Variants in APOL6 observed in about 807,000 individuals in gnomAD.
APOL6 encodes the protein apolipoprotein L6.
APOL6 carries 1 observed loss-of-function variant against 2.4 expected under a neutral mutation model. The ratio of observed to expected loss-of-function variants is 0.41; its 90% CI spans 0.15 to 1.94. APOL6 has a LOEUF of 1.94. Ranked by LOEUF, APOL6 falls within the 30% of genes most tolerant of loss-of-function variation. The pLI, the probability that APOL6 is intolerant of heterozygous loss-of-function variation, is 0.30. For missense variants in APOL6, 438 were observed against 429.2 expected, an observed-to-expected ratio of 1.02 and a Z score of -0.18; for synonymous variants, 189 against 169.3, an observed-to-expected ratio of 1.12 and a Z score of -0.90.
intron 1 of APOL6, among the ~76,000 whole-genome samples, chr22:35,650,702 G>T (rs1262582243): frequency 6.6e-6 from 1 of 152,122 alleles, no homozygotes; most frequent in Non-Finnish European, 1.5e-5. Context: ...GCCCGAGGTG[G>T]GTGGATCACC....
rs1925031821 is a variant in APOL6, at chr22:35,661,672, A to G, written c.*2076A>G. The G allele has an allele frequency of 6.6e-6, 1 of 152,204 alleles. No homozygotes were observed. The highest frequency in any genetic ancestry group is 2.4e-5 in the African/African-American group (1 of 41,456). The allele number at this position is 152,204 out of a possible 1,614,324, so 9.4% of individuals were successfully genotyped here. On this transcript the variant is annotated 3_prime_UTR_variant, in exon 3 of 3. Transcript: ENST00000409652. ...GGAAAGTAAAAATATGGCATAAAAG[A>G]TAAGAATTGGCTCTCCTGTACAGGG...
intron 1 of APOL6, 43 bp from the exon 2 acceptor site, chr22:35,656,336 C>A: frequency 6.8e-7 from 1 of 1,461,010 alleles, no homozygotes; most frequent in South Asian, 1.1e-5. Context: ...CATAAGGTTT[C>A]ATCATATGTG....
intron 1 of APOL6, among the ~76,000 whole-genome samples, chr22:35,650,789 G>C (rs962635011): frequency 6.6e-6 from 1 of 152,048 alleles, no homozygotes; most frequent in Admixed American, 6.5e-5. Flanking sequence ...AATTAGCCGG[G>C]TGTGTTAGTA....
chr22:35,659,338 C>T lies in APOL6; in HGVS notation c.774C>T (p.His258=), dbSNP rs896945730. The T allele has an allele frequency of 1.2e-6, 2 of 1,613,940 alleles. No individual in the cohort carries two copies. ...CCACTCTCTCAAAGGAATGGAAGCACCTGAAGGAAGGAGCAAGGACAAAGT... is the reference window on the plus strand; with the variant it reads ...CCACTCTCTCAAAGGAATGGAAGCATCTGAAGGAAGGAGCAAGGACAAAGT... ...DLATLSKEWK[H]LKEGARTKFA... The change falls in exon 3 of 3, where the codon CAC becomes CAT. Residue 258 remains histidine (H), a synonymous_variant. Coordinates refer to ENST00000409652, the MANE Select transcript of APOL6 (RefSeq NM_030641.4).
rs775329910 is a variant in APOL6, at chr22:35,658,744, C to G, written c.180C>G (p.Leu60=). 28 of 1,614,068 alleles carry G rather than the reference C, an allele frequency of 1.7e-5. No homozygotes were observed. In the South Asian group the frequency reaches 2.9e-4, roughly 16 times the overall value. The change falls in exon 3 of 3, where the codon CTC becomes CTG. Residue 60 remains leucine (L), a synonymous_variant. Coordinates refer to ENST00000409652, the MANE Select transcript of APOL6 (RefSeq NM_030641.4). ...ATCTGAAAGGGAACATTGACAAGCTCCGTGCCCTCGCAGACGATATTGACA... is the reference window on the plus strand; with the variant it reads ...ATCTGAAAGGGAACATTGACAAGCTGCGTGCCCTCGCAGACGATATTGACA... ...KEDLKGNIDK[L]RALADDIDKT... is the part of the protein sequence containing the mutation.
intron 2 of APOL6, among the ~76,000 whole-genome samples, chr22:35,656,822 G>A (rs1435869509): frequency 2.6e-5 from 4 of 151,868 alleles, no homozygotes; most frequent in South Asian, 2.1e-4. Context: ...AAGGAAGGAA[G>A]CCATTTGGTG....
chr22:35,654,303 G>A (rs1285504096), intron 1 of APOL6, among the ~76,000 whole-genome samples: 2 of 152,080 alleles, frequency 1.3e-5, no homozygotes, highest in Non-Finnish European at 2.9e-5. Flanking sequence ...AAGGGGTAGG[G>A]CTGAATATTC....
At position 35,659,227 on chromosome 22, in the gene APOL6, C is replaced by T. The variant is rs1924943900; in HGVS notation, c.663C>T (p.Ala221=). Residue 221 remains alanine, a synonymous_variant, in exon 3 of 3, where the codon GCC becomes GCT. Coordinates refer to ENST00000409652, the MANE Select transcript of APOL6 (RefSeq NM_030641.4). ...SSRSRVQVQK[A]FAGTTLAMTK... is the part of the protein sequence containing the mutation. ...GGAGCCGCGTGCAGGTGCAAAAGGC[C>T]TTTGCGGGAACAACACTGGCGATGA... 1.9e-6 allele frequency: 3 copies of T among 1,614,084 alleles called. No homozygotes were observed. In the South Asian group the frequency reaches 3.3e-5, roughly 18 times the overall value.
rs1323139038 is a variant in APOL6 at position 35,648,488 on chromosome 22, C to G, written c.-183C>G. The G allele has an allele frequency of 6.6e-6, 1 of 152,500 alleles. No homozygotes were observed. The highest frequency in any genetic ancestry group is 1.5e-5 in the Non-Finnish European group (1 of 68,252). The allele number at this position is 152,500 out of a possible 1,614,324, so 9.4% of individuals were successfully genotyped here. A position where few individuals can be genotyped will look rare whatever the true frequency, so the allele number is the denominator to read the frequency against. ...CTGTTCAAAGGCCACCCTACTCTTC[C>G]TATCCGTCTTTCTCCAGCCCAGACA... On this transcript the variant is annotated 5_prime_UTR_variant, in exon 1 of 3. Transcript: ENST00000409652.
chr22:35,664,630 CAATT>C lies in APOL6; in HGVS notation c.*5038_*5041del, dbSNP rs944187071. The C allele has an allele frequency of 5.3e-5, 8 of 152,102 alleles. No individual in the cohort carries two copies. The highest frequency in any genetic ancestry group is 1.9e-4 in the East Asian group (1 of 5,188). The allele number at this position is 152,102 out of a possible 1,614,324, so 9.4% of individuals were successfully genotyped here. A position where few individuals can be genotyped will look rare whatever the true frequency, so the allele number is the denominator to read the frequency against. ...AGTTTTTATAAATAATCTAGGTAAA[CAATT>C]AATAAAATAACTAGGTAAATGTAAT... On this transcript the variant is annotated 3_prime_UTR_variant, in exon 3 of 3. Coordinates refer to ENST00000409652, the MANE Select transcript of APOL6 (RefSeq NM_030641.4).
At position 35,659,785 on chromosome 22, in the gene APOL6, T is replaced by C; in HGVS notation, c.*189T>C. On this transcript the variant is annotated 3_prime_UTR_variant, in exon 3 of 3. Coordinates refer to ENST00000409652, the MANE Select transcript of APOL6 (RefSeq NM_030641.4). ...TTTGTTTGTTTGTTTGTTTGTTTGT[T>C]TTGAGACAGGGTCTCTGTTGCCCAG... is the stretch of plus-strand genomic sequence containing the variant. 1 of 1,020,110 alleles carries C rather than the reference T, an allele frequency of 9.8e-7. No individual in the cohort carries two copies. The allele number at this position is 1,020,110 out of a possible 1,614,324, so 63.2% of individuals were successfully genotyped here. A position where few individuals can be genotyped will look rare whatever the true frequency, so the allele number is the denominator to read the frequency against.
At chr22:35,656,645 A>G (rs1314393157) in intron 2 of APOL6, among the ~76,000 whole-genome samples, 170 bp downstream of exon 2, 2 of 152,132 alleles carry the variant, frequency 1.3e-5, no homozygotes, top group Non-Finnish European at 2.9e-5. Context: ...AGGGAAAAAA[A>G]TACTTCATGG....
At position 35,659,352 on chromosome 22, in the gene APOL6, C is replaced by T; in HGVS notation, c.788C>T (p.Ala263Val). 1 of 1,613,924 alleles carries T rather than the reference C, an allele frequency of 6.2e-7. No homozygotes were observed. The highest frequency in any genetic ancestry group is 8.5e-7 in the Non-Finnish European group (1 of 1,179,942). ...GAATGGAAGCACCTGAAGGAAGGAG[C>T]AAGGACAAAGTTTGCGGAAGAGTTG... ...SKEWKHLKEGARTKFAEELRA... is the reference protein window; with the variant it reads ...SKEWKHLKEGVRTKFAEELRA... The change falls in exon 3 of 3, where the codon GCA becomes GTA. Residue 263 changes from alanine (A) to valine (V), a missense_variant. Ala to Val is a moderately conservative substitution (Grantham distance 64). Coordinates refer to ENST00000409652, the MANE Select transcript of APOL6 (RefSeq NM_030641.4).
rs904182725 is a variant in APOL6 at position 35,664,736 on chromosome 22, T to C, written c.*5140T>C. 2 of 152,078 alleles carry C rather than the reference T, an allele frequency of 1.3e-5. No homozygotes were observed. The highest frequency in any genetic ancestry group is 4.8e-5 in the African/African-American group (2 of 41,434). The allele number at this position is 152,078 out of a possible 1,614,324, so 9.4% of individuals were successfully genotyped here. On this transcript the variant is annotated 3_prime_UTR_variant, in exon 3 of 3. Transcript: ENST00000409652. The stretch of plus-strand genomic sequence containing the variant: ...TTAAATTAAATAATAGATAATTTAT[T>C]ATTTGGGTATTTTCCAATAAATATA...
At position 35,658,647 on chromosome 22, in the gene APOL6, T is replaced by G. The variant is rs1222207608; in HGVS notation, c.83T>G (p.Val28Gly). The G allele has an allele frequency of 6.2e-7, 1 of 1,613,802 alleles. No individual in the cohort carries two copies. Among genetic ancestry groups the G allele is most frequent in the South Asian group, 1.1e-5 (1 of 91,058 alleles). Reference protein sequence around the residue: ...DEDDAPLCEDVELQDGDLSPE... With the variant: ...DEDDAPLCEDGELQDGDLSPE... ...GATGACGCTCCTCTGTGTGAAGACG[T>G]GGAGCTACAAGACGGAGATCTGTCC... Residue 28 changes from valine (V) to glycine (G), a missense_variant, in exon 3 of 3, where the codon GTG (valine) becomes GGG (glycine). Val to Gly is a moderately radical substitution (Grantham distance 109, BLOSUM62 -3). Transcript: ENST00000409652.
rs1407566115 is a variant in APOL6 at position 35,666,010 on chromosome 22, C to T, written c.*6414C>T. The T allele has an allele frequency of 6.6e-6, 1 of 152,064 alleles. No individual in the cohort carries two copies. Among genetic ancestry groups the T allele is most frequent in the African/African-American group, 2.4e-5 (1 of 41,418 alleles). The allele number at this position is 152,064 out of a possible 1,614,324, so 9.4% of individuals were successfully genotyped here. On this transcript the variant is annotated 3_prime_UTR_variant, in exon 3 of 3. Coordinates refer to ENST00000409652, the MANE Select transcript of APOL6 (RefSeq NM_030641.4). ...ATAAAAATTATATAGGAAGCATTGT[C>T]AAATGTGAAATGGTGTTTGGTTTTC...
In APOL6 at chr22:35,658,933, C is replaced by G. The variant is rs1924926740; in HGVS notation, c.369C>G (p.Thr123=). Residue 123 remains threonine (T), a synonymous_variant, in exon 3 of 3, where the codon ACC becomes ACG. Transcript: ENST00000409652. The stretch of plus-strand genomic sequence containing the variant: ...GTTTGGCAACAGCAGCTGGGGTCAC[C>G]AGCATCGTGAGTGGTACGTTGGAAC... ...GQGLATAAGV[T]SIVSGTLERS... 1.2e-6 allele frequency: 2 copies of G among 1,613,846 alleles called. No homozygotes were observed. The highest frequency in any genetic ancestry group is 1.7e-6 in the Non-Finnish European group (2 of 1,180,040).
In APOL6 at chr22:35,658,800, T is replaced by C. The variant is rs776471793; in HGVS notation, c.236T>C (p.Met79Thr). 2 of 1,614,036 alleles carry C rather than the reference T, an allele frequency of 1.2e-6. No individual in the cohort carries two copies. Among genetic ancestry groups the C allele is most frequent in the East Asian group, 2.2e-5 (1 of 44,882 alleles). ...KTHKKFTKAN[M>T]VATSTAVISG... is the part of the protein sequence containing the mutation. ...CACAAGAAATTCACCAAGGCTAACA[T>C]GGTGGCCACCTCTACTGCTGTCATC... The change falls in exon 3 of 3, where the codon ATG becomes ACG. Residue 79 changes from methionine to threonine, a missense_variant. By Grantham distance (81) the Met-to-Thr change is moderately conservative (BLOSUM62 -1). Coordinates refer to ENST00000409652, the MANE Select transcript of APOL6 (RefSeq NM_030641.4).
rs1925114267 is a variant in APOL6 at position 35,664,418 on chromosome 22, T to G, written c.*4822T>G. The G allele has an allele frequency of 6.6e-6, 1 of 152,254 alleles. No homozygotes were observed. The highest frequency in any genetic ancestry group is 2.1e-4 in the South Asian group (1 of 4,834). 9.4% of individuals were successfully genotyped at this position (152,254 alleles called of 1,614,324 possible). A position where few individuals can be genotyped will look rare whatever the true frequency, so the allele number is the denominator to read the frequency against. ...GGTTTGTTTTGGGAAAGGACTGTTATTGTCATTGTTTCGAAGCTGAACTTA... is the reference window on the plus strand; with the variant it reads ...GGTTTGTTTTGGGAAAGGACTGTTAGTGTCATTGTTTCGAAGCTGAACTTA... On this transcript the variant is annotated 3_prime_UTR_variant, in exon 3 of 3. Coordinates refer to ENST00000409652, the MANE Select transcript of APOL6 (RefSeq NM_030641.4).
Sources: gnomAD v4.1 joint callset for allele counts (sites outside exome capture counted in the v4.1 genomes callset) on GRCh38, gnomAD v4.1.1 for gene constraint, MANE v1.5 for transcripts, NCBI Gene and HGNC (gene_info 2026-07-23, HGNC 2026-07-21) for gene names.